Variants in MIER1 observed in about 807,000 individuals in gnomAD.
MIER1 encodes the protein mesoderm induction early response protein 1.
In MIER1, 40 loss-of-function variants were observed where a neutral mutation model predicts 75.7. The ratio of observed to expected loss-of-function variants is 0.53; its 90% CI spans 0.41 to 0.69. The LOEUF is 0.69. MIER1 is among the 30% of genes least tolerant of loss of function. The probability of loss-of-function intolerance (pLI) is 0.00; values close to 1 mark genes in which losing one functional copy is unlikely to be tolerated. For missense variants in MIER1, 574 were observed against 680.2 expected (o/e 0.84, Z 1.74); for synonymous variants, 213 against 223.4 (o/e 0.95, Z 0.42).
intron 2 of MIER1, among the ~76,000 whole-genome samples, chr1:66,937,254 TTTATGA>T (rs1226794893): frequency 6.6e-6 from 1 of 152,094 alleles, no homozygotes; most frequent in African/African-American, 2.4e-5. Context: ...TATTCCTATA[TTTATGA>T]TTATGATCAG....
chr1:66,931,266 C>G (rs1022638679), intron 2 of MIER1, among the ~76,000 whole-genome samples: 1 of 152,110 alleles, frequency 6.6e-6, no homozygotes, highest in Admixed American at 6.5e-5. Flanking sequence ...ACTAAGTATA[C>G]GCTACTGGAA....
chr1:66,958,585 A>G (rs191163223), intron 5 of MIER1, among the ~76,000 whole-genome samples: 5 of 152,210 alleles, frequency 3.3e-5, no homozygotes, highest in Middle Eastern at 3.4e-3. Context: ...AAGTTAGTAT[A>G]GAACGTTCCT....
chr1:66,948,050 G>C, intron 4 of MIER1: 2 of 972,752 alleles, frequency 2.1e-6, no homozygotes, highest in Non-Finnish European at 2.4e-6. Flanking sequence ...GCTTTCTTTA[G>C]TGTTAGGACA....
Position 66,985,091 on chromosome 1 carries a change from T to C in MIER1, c.*191T>C, listed in dbSNP as rs888527985. ...TTTTACTTTAAAGCTGTCAGACTCT[T>C]TTAAGGGTATTTTAAAAATTAGTAA... is the stretch of plus-strand genomic sequence containing the variant. On this transcript the variant is annotated 3_prime_UTR_variant, in exon 14 of 14. Coordinates refer to ENST00000401041, the MANE Select transcript of MIER1 (RefSeq NM_001077700.3). 3.1e-6 allele frequency: 4 copies of C among 1,278,122 alleles called. No homozygotes were observed. In the African/African-American group the frequency reaches 4.6e-5, roughly 15 times the overall value. 79.2% of individuals were successfully genotyped at this position (1,278,122 alleles called of 1,614,324 possible). A position where few individuals can be genotyped will look rare whatever the true frequency, so the allele number is the denominator to read the frequency against.
chr1:66,977,086 A>G (rs1664863670), intron 12 of MIER1, among the ~76,000 whole-genome samples: 1 of 152,030 alleles, frequency 6.6e-6, no homozygotes, highest in African/African-American at 2.4e-5. Flanking sequence ...AGTTCCATTC[A>G]GTATAAGCAC....
At chr1:66,928,875 CT>C in intron 2 of MIER1, 1 of 1,582,272 alleles carries the variant, frequency 6.3e-7, no homozygotes, top group African/African-American at 1.3e-5. Context: ...CTTTCCCTTG[CT>C]TTTCTTTCAG....
At chr1:66,959,801 T>C (rs1451319581) in intron 7 of MIER1, 58 bp downstream of exon 7, 1 of 805,708 alleles carries the variant, frequency 1.2e-6, no homozygotes, top group Non-Finnish European at 1.8e-6. Flanking sequence ...TTAAAAAGCC[T>C]CGTGTAATTA....
intron 8 of MIER1, 116 bp downstream of exon 8, chr1:66,963,276 C>G (rs554946886): frequency 3.2e-6 from 2 of 623,390 alleles, no homozygotes; most frequent in African/African-American, 3.7e-5. Flanking sequence ...CCATTGTAAC[C>G]CCATTGGTTT....
intron 11 of MIER1, among the ~76,000 whole-genome samples, chr1:66,975,605 A>G (rs963868404): frequency 1.3e-5 from 2 of 152,096 alleles, no homozygotes; most frequent in Non-Finnish European, 2.9e-5. Flanking sequence ...AGTATTTTAT[A>G]TATATACATC....
At chr1:66,947,536 C>A (rs1657939529) in intron 4 of MIER1, 1 of 152,058 alleles carries the variant, frequency 6.6e-6, no homozygotes, top group Non-Finnish European at 1.5e-5. Flanking sequence ...CAAGAATATC[C>A]CTTAGCCGAC....
intron 8 of MIER1, among the ~76,000 whole-genome samples, chr1:66,970,299 A>G (rs773761970): frequency 3.2e-4 from 48 of 152,214 alleles, no homozygotes; most frequent in Non-Finnish European, 6.9e-4. Flanking sequence ...ATTTACTTCA[A>G]ATCCCACCAC....
At chr1:66,979,688 T>TC (rs1399435899) in intron 12 of MIER1, among the ~76,000 whole-genome samples, 2 of 152,108 alleles carry the variant, frequency 1.3e-5, no homozygotes, top group African/African-American at 4.8e-5. Context: ...ATAATTACTA[T>TC]CCTTTCACAG....
chr1:66,959,523 T>C (rs150807994), intron 6 of MIER1, among the ~76,000 whole-genome samples, 156 bp from the exon 7 acceptor site: 9 of 152,192 alleles, frequency 5.9e-5, no homozygotes, highest in African/African-American at 2.2e-4. Flanking sequence ...TTTTTTTAAG[T>C]GATAGGGTGT....
intron 12 of MIER1, 97 bp downstream of exon 12, chr1:66,976,819 A>G (rs753689843): frequency 2.8e-6 from 3 of 1,079,690 alleles, no homozygotes; most frequent in Non-Finnish European, 3.8e-6. Flanking sequence ...TCTTGCTTTT[A>G]TATACTTGAT....
chr1:66,981,076 AAC>A (rs1432714165), intron 12 of MIER1, among the ~76,000 whole-genome samples: 3 of 119,756 alleles, frequency 2.5e-5, no homozygotes, highest in Non-Finnish European at 4.9e-5. Flanking sequence ...ATAATACAAT[AAC>A]CATGTGTGTT....
At chr1:66,943,107 T>C (rs1183721339) in intron 3 of MIER1, among the ~76,000 whole-genome samples, 1 of 152,164 alleles carries the variant, frequency 6.6e-6, no homozygotes, top group African/African-American at 2.4e-5. Context: ...GAGAAAAGTA[T>C]AGCATTATTT....
At chr1:66,979,093 GGTT>G (rs1183264369) in intron 12 of MIER1, among the ~76,000 whole-genome samples, 2 of 151,632 alleles carry the variant, frequency 1.3e-5, no homozygotes, top group African/African-American at 4.9e-5. Context: ...AGCCCCACTG[GGTT>G]GTTTTTTTTT....
intron 10 of MIER1, among the ~76,000 whole-genome samples, chr1:66,972,199 C>G (rs1267575963): frequency 6.9e-6 from 1 of 145,668 alleles, no homozygotes; most frequent in African/African-American, 2.5e-5. Context: ...TCCTACCCCC[C>G]TTCACTAAGA....
Position 66,981,938 on chromosome 1 carries a change from T to C in MIER1, c.1369+20T>C, listed in dbSNP as rs1265166935. On this transcript the variant is annotated intron_variant, in intron 13 of 13. Transcript: ENST00000401041. ...AAAATGGTAAGCAACCAGAGAAACATTTCTCTTTCTTCATAATAAGGGACA... is the reference window on the plus strand; with the variant it reads ...AAAATGGTAAGCAACCAGAGAAACACTTCTCTTTCTTCATAATAAGGGACA... 4 of 1,611,556 alleles carry C rather than the reference T, an allele frequency of 2.5e-6. No individual in the cohort carries two copies. In the South Asian group the frequency reaches 4.4e-5, roughly 18 times the overall value.
Sources: allele counts gnomAD v4.1 joint callset (sites outside exome capture counted in the v4.1 genomes callset), GRCh38; gene constraint gnomAD v4.1.1; transcripts MANE v1.5; gene names NCBI Gene and HGNC (gene_info 2026-07-23, HGNC 2026-07-21).